The following KANK1 variants were observed in gnomAD, a reference collection of about 807,000 sequenced individuals.
KANK1 encodes the protein KN motif and ankyrin repeat domains 1.
Under a neutral mutation model 106.2 loss-of-function variants are expected in KANK1, and 109 were observed. The ratio of observed to expected loss-of-function variants is 1.03; its 90% CI spans 0.88 to 1.20. The LOEUF (loss-of-function observed/expected upper bound fraction) is 1.20. Ranked by LOEUF, KANK1 falls within the 50% of genes most tolerant of loss-of-function variation. The pLI is 0.00. For synonymous variants in KANK1, 873 were observed against 652.2 expected (o/e 1.34, Z -5.16); for missense variants, 2,399 against 1,710.7 (o/e 1.40, Z -7.10).
chr9:482,068 T>C (rs549280254), intron 3 of KANK1, among the ~76,000 whole-genome samples: 11 of 152,284 alleles, frequency 7.2e-5, no homozygotes, highest in Non-Finnish European at 1.2e-4. Context: ...TCCCTTCTTA[T>C]GAACTAAAAG....
intron 1 of KANK1, among the ~76,000 whole-genome samples, chr9:664,859 A>C (rs1402810295): frequency 6.6e-6 from 1 of 152,098 alleles, no homozygotes; most frequent in Non-Finnish European, 1.5e-5. Flanking sequence ...TTTTTGATAA[A>C]AGCTATTCTA....
intron 1 of KANK1, among the ~76,000 whole-genome samples, chr9:597,093 G>A (rs945851934): frequency 1.1e-4 from 16 of 151,780 alleles, no homozygotes; most frequent in Non-Finnish European, 2.1e-4. Context: ...TCCATGGTAC[G>A]GATATATCAT....
chr9:679,468 G>A (rs1303628049), intron 2 of KANK1, among the ~76,000 whole-genome samples: 1 of 152,108 alleles, frequency 6.6e-6, no homozygotes, highest in Non-Finnish European at 1.5e-5. Flanking sequence ...AGGCTGGAGT[G>A]CAGTGGCACG....
chr9:573,567 G>A (rs945760373), intron 1 of KANK1, among the ~76,000 whole-genome samples: 2 of 152,144 alleles, frequency 1.3e-5, no homozygotes, highest in African/African-American at 4.8e-5. Flanking sequence ...ACCGCGCCCG[G>A]TCAAGGATTT....
At chr9:526,095 T>G (rs1405104189) in intron 1 of KANK1, among the ~76,000 whole-genome samples, 2 of 150,534 alleles carry the variant, frequency 1.3e-5, no homozygotes, top group Non-Finnish European at 3.0e-5. Context: ...AACACAAAAG[T>G]AGGAATTCTG....
At chr9:626,796 C>G (rs1192443644) in intron 1 of KANK1, among the ~76,000 whole-genome samples, 1 of 152,198 alleles carries the variant, frequency 6.6e-6, no homozygotes, top group Non-Finnish European at 1.5e-5. Flanking sequence ...CTCAGACCTG[C>G]AAAACTAGGA....
intron 2 of KANK1, chr9:693,674 G>A (rs1191317069): frequency 2.0e-6 from 2 of 985,248 alleles, no homozygotes; most frequent in African/African-American, 1.7e-5. Flanking sequence ...CTCTGCAACA[G>A]CTCCTGGGCT....
At chr9:598,615 G>GTTTTTTTTTTTTTTTTTTTTTTT (rs1306483082) in intron 1 of KANK1, among the ~76,000 whole-genome samples, 1 of 73,334 alleles carries the variant, frequency 1.4e-5, no homozygotes, top group African/African-American at 4.8e-5. Flanking sequence ...TGTTTTGTTG[G>GTTTTTTTTTTTTTTTTTTTTTTT]TTTTCTTTTT....
intron 1 of KANK1, among the ~76,000 whole-genome samples, chr9:527,289 T>C (rs2059833812): frequency 1.4e-5 from 2 of 146,434 alleles, no homozygotes; most frequent in Non-Finnish European, 3.0e-5. Context: ...GGTTTTTGTG[T>C]GTTTTTTGTT....
At chr9:485,396 A>G (rs2058273808) in intron 3 of KANK1, among the ~76,000 whole-genome samples, 1 of 152,242 alleles carries the variant, frequency 6.6e-6, no homozygotes, top group African/African-American at 2.4e-5. Context: ...GTAACCACAA[A>G]AATCTGGTTT....
At position 513,381 on chromosome 9, in the gene KANK1, C is replaced by CA. The variant is rs760056777; in HGVS notation, c.-84+8628dup. The stretch of plus-strand genomic sequence containing the variant: ...ACCAAAGCAATCAGTTAATTGGAAA[C>CA]AGAGTGTCAGGAGCCCTGTAACTCT... On this transcript the variant is annotated intron_variant, in intron 1 of 11. Coordinates refer to ENST00000382297, the MANE Select transcript of KANK1 (RefSeq NM_015158.5). Among the ~76,000 whole-genome samples the CA allele has an allele frequency of 3.3e-5, 5 of 152,186 alleles. 1 individual carries two copies. The highest frequency in any genetic ancestry group is 7.3e-5 in the Non-Finnish European group (5 of 68,034).
chr9:532,733 G>T (rs1490839743), intron 1 of KANK1, among the ~76,000 whole-genome samples: 2 of 152,086 alleles, frequency 1.3e-5, no homozygotes, highest in African/African-American at 4.8e-5. Flanking sequence ...ACTGTTTTTG[G>T]AATATCTTGG....
At chr9:704,471 A>C (rs1250189615) in intron 2 of KANK1, among the ~76,000 whole-genome samples, 1 of 152,176 alleles carries the variant, frequency 6.6e-6, no homozygotes, top group African/African-American at 2.4e-5. Context: ...TGTGTTTCTT[A>C]ATGGAGGTTC....
chr9:611,381 G>T (rs1336764889), intron 1 of KANK1, among the ~76,000 whole-genome samples: 2 of 152,164 alleles, frequency 1.3e-5, no homozygotes, highest in Non-Finnish European at 1.5e-5. Context: ...CCAGGATTCA[G>T]TGTAGGACAT....
chr9:615,088 C>T (rs567538721), intron 1 of KANK1, among the ~76,000 whole-genome samples: 4 of 151,986 alleles, frequency 2.6e-5, no homozygotes, highest in East Asian at 1.9e-4. Flanking sequence ...CAAAGGTGTG[C>T]GCCACCATAC....
At chr9:659,350 C>T (rs1417193239) in intron 1 of KANK1, among the ~76,000 whole-genome samples, 1 of 152,104 alleles carries the variant, frequency 6.6e-6, no homozygotes, top group African/African-American at 2.4e-5. Context: ...TTTGGCCTAC[C>T]TCAGGGTCAC....
intron 1 of KANK1, among the ~76,000 whole-genome samples, chr9:615,604 A>G (rs1329932394): frequency 1.3e-5 from 2 of 152,212 alleles, no homozygotes; most frequent in African/African-American, 4.8e-5. Context: ...TCAGTCCCAT[A>G]GTATATCCTT....
At chr9:574,545 T>C (rs115191570) in intron 1 of KANK1, among the ~76,000 whole-genome samples, 1,785 of 152,192 alleles carry the variant, frequency 0.012, 43 homozygotes, top group African/African-American at 0.041. Flanking sequence ...GAAGCCTTTT[T>C]ATTTGTAATG....
intron 1 of KANK1, among the ~76,000 whole-genome samples, chr9:672,551 A>ATATTATCATCAG (rs1815420439): frequency 6.6e-6 from 1 of 152,160 alleles, no homozygotes; most frequent in East Asian, 1.9e-4. Flanking sequence ...ATTACCATCA[A>ATATTATCATCAG]TATTATCATC....
Sources: allele counts gnomAD v4.1 joint callset (sites outside exome capture counted in the v4.1 genomes callset), GRCh38; gene constraint gnomAD v4.1.1; transcripts MANE v1.5; gene names NCBI Gene and HGNC (gene_info 2026-07-23, HGNC 2026-07-21).